Variants in SLC9A9 observed in about 807,000 individuals in gnomAD.
The protein encoded by SLC9A9 is solute carrier family 9 member A9, also known as sodium/hydrogen exchanger 9.
Under a neutral mutation model 77.8 loss-of-function variants are expected in SLC9A9, and 62 were observed. That is an observed-to-expected ratio of 0.80 (90% confidence interval 0.65 to 0.98). The LOEUF is 0.98. Ranked by LOEUF, SLC9A9 falls within the 50% of genes least tolerant of loss-of-function variation. The pLI, the probability that SLC9A9 is intolerant of heterozygous loss-of-function variation, is 0.00. For synonymous variants in SLC9A9, 320 were observed against 283.5 expected (o/e 1.13, Z -1.29); for missense variants, 775 against 774.9 (o/e 1.00, Z 0.00).
intron 11 of SLC9A9, among the ~76,000 whole-genome samples, chr3:143,473,703 G>A (rs1483309561): frequency 2.0e-5 from 3 of 152,158 alleles, no homozygotes; most frequent in African/African-American, 7.2e-5. Context: ...GTACTTTAAT[G>A]TGGTCTTTTT....
intron 12 of SLC9A9, among the ~76,000 whole-genome samples, chr3:143,397,486 T>C (rs1431505735): frequency 1.3e-5 from 2 of 152,168 alleles, no homozygotes; most frequent in Non-Finnish European, 2.9e-5. Flanking sequence ...GAAAAACAAA[T>C]CCCAGACTCT....
At chr3:143,305,329 T>C (rs961337248) in intron 14 of SLC9A9, among the ~76,000 whole-genome samples, 100 of 152,258 alleles carry the variant, frequency 6.6e-4, no homozygotes, top group Middle Eastern at 6.8e-3. Context: ...ACATGCTGAG[T>C]GCTAAGCCCT....
chr3:143,847,653 C>T (rs2009857876), intron 1 of SLC9A9: 1 of 157,486 alleles, frequency 6.3e-6, no homozygotes. Flanking sequence ...ATAAAAAGGA[C>T]TTGGACACAA....
At chr3:143,464,927 A>G (rs2035258691) in intron 12 of SLC9A9, among the ~76,000 whole-genome samples, 1 of 152,080 alleles carries the variant, frequency 6.6e-6, no homozygotes, top group Non-Finnish European at 1.5e-5. Context: ...TAGTTTTCTC[A>G]TGATTGGGTC....
chr3:143,548,207 T>C lies in SLC9A9; in HGVS notation c.1089+4155A>G, dbSNP rs576329857. 2.6e-5 allele frequency among the ~76,000 whole-genome samples: 4 copies of C among 152,258 alleles called. No homozygotes were observed. In the South Asian group the frequency reaches 8.3e-4, roughly 32 times the overall value. On this transcript the variant is annotated intron_variant, in intron 9 of 15. Transcript: ENST00000316549. ...AAGGGATGCTATGGAAGTACATGGT[T>C]TTGCAAGTTAGTCTCAGGCAAGGTA... is the stretch of plus-strand genomic sequence containing the variant.
chr3:143,580,924 T>G (rs958446269), intron 6 of SLC9A9, among the ~76,000 whole-genome samples: 1 of 152,076 alleles, frequency 6.6e-6, no homozygotes, highest in South Asian at 2.1e-4. Flanking sequence ...GTATAGGAAG[T>G]GGGAGGCAGG....
At chr3:143,832,759 C>G (rs969623436) in intron 1 of SLC9A9, among the ~76,000 whole-genome samples, 2 of 150,070 alleles carry the variant, frequency 1.3e-5, no homozygotes, top group Non-Finnish European at 3.0e-5. Flanking sequence ...ATAAGTAGAT[C>G]CAGTCCAAGA....
intron 5 of SLC9A9, among the ~76,000 whole-genome samples, chr3:143,665,004 C>T (rs147762567): frequency 0.011 from 1,743 of 152,324 alleles, 29 homozygotes; most frequent in Non-Finnish European, 0.014. Flanking sequence ...ATCTACAGAA[C>T]TCTCCACCCC....
At chr3:143,353,173 G>A (rs1381506586) in intron 14 of SLC9A9, among the ~76,000 whole-genome samples, 3 of 152,012 alleles carry the variant, frequency 2.0e-5, no homozygotes, top group Non-Finnish European at 1.5e-5. Flanking sequence ...TTTTATCACC[G>A]ACTTCCAAAG....
At chr3:143,566,355 CTGTT>C (rs1426559774) in intron 8 of SLC9A9, among the ~76,000 whole-genome samples, 3 of 152,168 alleles carry the variant, frequency 2.0e-5, no homozygotes, top group African/African-American at 2.4e-5. Flanking sequence ...GATGATTTAA[CTGTT>C]TGTGTTGTAA....
At chr3:143,495,271 T>C in intron 10 of SLC9A9, 64 bp downstream of exon 10, 1 of 1,345,780 alleles carries the variant, frequency 7.4e-7, no homozygotes, top group South Asian at 1.2e-5. Context: ...AACAGAATAA[T>C]TCGTAAAAGT....
intron 14 of SLC9A9, among the ~76,000 whole-genome samples, chr3:143,325,794 A>G (rs956580707): frequency 3.3e-5 from 5 of 152,170 alleles, no homozygotes; most frequent in African/African-American, 1.2e-4. Context: ...TTACTATTTA[A>G]AGCAAGTCCT....
intron 14 of SLC9A9, among the ~76,000 whole-genome samples, chr3:143,307,687 G>A (rs893106874): frequency 3.3e-5 from 5 of 152,072 alleles, no homozygotes; most frequent in Admixed American, 2.0e-4. Context: ...CTGTTTCCTG[G>A]TCCTCAGCCT....
chr3:143,291,516 C>A (rs1300872415), intron 14 of SLC9A9, among the ~76,000 whole-genome samples: 1 of 152,156 alleles, frequency 6.6e-6, no homozygotes, highest in Admixed American at 6.5e-5. Context: ...TGGGTTCTGT[C>A]TCTCCACCCG....
intron 6 of SLC9A9, among the ~76,000 whole-genome samples, chr3:143,637,198 A>G (rs1270532248): frequency 6.6e-6 from 1 of 152,206 alleles, no homozygotes; most frequent in Non-Finnish European, 1.5e-5. Context: ...GTTCAACGAG[A>G]TCCAAGGGGA....
intron 12 of SLC9A9, among the ~76,000 whole-genome samples, chr3:143,411,990 C>T (rs1157146497): frequency 6.6e-6 from 1 of 152,114 alleles, no homozygotes; most frequent in East Asian, 1.9e-4. Flanking sequence ...GGGACCAATA[C>T]TGCCTATCGG....
intron 9 of SLC9A9, chr3:143,518,090 T>G: frequency 6.4e-7 from 1 of 1,572,596 alleles, no homozygotes; most frequent in Non-Finnish European, 8.7e-7. Context: ...TTTAGCTTTC[T>G]GAGTAGCAGG....
chr3:143,687,485 G>A (rs55697099), intron 5 of SLC9A9, among the ~76,000 whole-genome samples: 64 of 152,220 alleles, frequency 4.2e-4, no homozygotes, highest in African/African-American at 1.5e-3. Flanking sequence ...AGTAAAAGAA[G>A]AGAATTTAAG....
intron 2 of SLC9A9, among the ~76,000 whole-genome samples, chr3:143,801,661 A>G (rs1553795619): frequency 6.6e-6 from 1 of 152,106 alleles, no homozygotes; most frequent in Non-Finnish European, 1.5e-5. Context: ...TGGCAGCTCC[A>G]TCAGGCCTAA....
Sources: allele counts gnomAD v4.1 joint callset (sites outside exome capture counted in the v4.1 genomes callset), GRCh38; gene constraint gnomAD v4.1.1; transcripts MANE v1.5; gene names NCBI Gene and HGNC (gene_info 2026-07-23, HGNC 2026-07-21).